ZFAND3: variants seen among roughly 807,000 people sequenced by gnomAD.
The protein encoded by ZFAND3 is zinc finger AN1-type containing 3, also known as AN1-type zinc finger protein 3.
A neutral mutation model predicts 29.6 loss-of-function variants in ZFAND3; 10 were observed. The ratio of observed to expected loss-of-function variants is 0.34; its 90% CI spans 0.21 to 0.57. The LOEUF is 0.57. Ranked by LOEUF, ZFAND3 falls within the 20% of genes least tolerant of loss-of-function variation. The pLI, the probability that ZFAND3 is intolerant of heterozygous loss-of-function variation, is 0.86. For synonymous variants in ZFAND3, 128 were observed against 112.6 expected (o/e 1.14, Z -0.87); for missense variants, 230 against 304.5 (o/e 0.76, Z 1.82).
At chr6:37,859,188 T>TA (rs556578190) in intron 1 of ZFAND3, among the ~76,000 whole-genome samples, 122 of 152,226 alleles carry the variant, frequency 8.0e-4, no homozygotes, top group Non-Finnish European at 1.5e-3. Context: ...TCAATTCCAT[T>TA]ACCTGCTTTA....
At chr6:37,919,797 T>C (rs1181129550) in intron 1 of ZFAND3, among the ~76,000 whole-genome samples, 1 of 152,186 alleles carries the variant, frequency 6.6e-6, no homozygotes. Flanking sequence ...TCCTCCCCTT[T>C]TTATAAAACT....
chr6:37,914,408 G>C (rs927688357), intron 1 of ZFAND3, among the ~76,000 whole-genome samples: 2 of 152,078 alleles, frequency 1.3e-5, no homozygotes, highest in Admixed American at 1.3e-4. Context: ...GTGCTGGAGC[G>C]CAGTGGTGCA....
chr6:38,152,491 C>T lies in ZFAND3; in HGVS notation c.*102C>T. 1 of 1,389,068 alleles carries T rather than the reference C, an allele frequency of 7.2e-7. No homozygotes were observed. Among genetic ancestry groups the T allele is most frequent in the Admixed American group, 2.8e-5 (1 of 35,836 alleles). The allele number at this position is 1,389,068 out of a possible 1,614,324, so 86.0% of individuals were successfully genotyped here. ...CACCTTGTACTGGGCACGCGTCAGA[C>T]TGCAGCCAGTCCGTTTCCTTTCTTT... On this transcript the variant is annotated 3_prime_UTR_variant, in exon 6 of 6. Coordinates refer to ENST00000287218, the MANE Select transcript of ZFAND3 (RefSeq NM_021943.3).
At chr6:37,854,160 A>G (rs561462283) in intron 1 of ZFAND3, among the ~76,000 whole-genome samples, 1 of 152,246 alleles carries the variant, frequency 6.6e-6, no homozygotes, top group African/African-American at 2.4e-5. Flanking sequence ...CATGTTGGTC[A>G]GGCTGGTCTC....
intron 2 of ZFAND3, among the ~76,000 whole-genome samples, chr6:37,955,693 G>A (rs946346968): frequency 2.6e-5 from 4 of 152,226 alleles, no homozygotes; most frequent in African/African-American, 9.6e-5. Flanking sequence ...AGGAATCAGT[G>A]TAGCTTAATG....
intron 4 of ZFAND3, among the ~76,000 whole-genome samples, chr6:38,114,981 A>T (rs1765389184): frequency 6.6e-6 from 1 of 152,214 alleles, no homozygotes; most frequent in Non-Finnish European, 1.5e-5. Context: ...AGACGAGGGG[A>T]AGTGCTAAGA....
At chr6:37,899,521 A>T (rs1765280609) in intron 1 of ZFAND3, among the ~76,000 whole-genome samples, 1 of 152,152 alleles carries the variant, frequency 6.6e-6, no homozygotes, top group East Asian at 1.9e-4. Flanking sequence ...TGAATGCTTT[A>T]ATGATCCGAA....
rs1347170881 is a variant in ZFAND3, at chr6:37,998,863, A to G, written c.113-62730A>G. Reference sequence around the variant, plus strand: ...ATGTGGATACTTAATGTGGATACAGATGGTTACATATAGAAATATTTACAG... The same window carrying G: ...ATGTGGATACTTAATGTGGATACAGGTGGTTACATATAGAAATATTTACAG... On this transcript the variant is annotated intron_variant, in intron 2 of 5. Transcript: ENST00000287218. Among the ~76,000 whole-genome samples the G allele has an allele frequency of 3.9e-5, 6 of 152,228 alleles. No homozygotes were observed. In the South Asian group the frequency reaches 1.2e-3, roughly 32 times the overall value.
chr6:38,138,775 A>G (rs575218891), intron 5 of ZFAND3, among the ~76,000 whole-genome samples: 1 of 152,370 alleles, frequency 6.6e-6, no homozygotes, highest in Admixed American at 6.5e-5. Context: ...ACACTGAGGC[A>G]GAGAAGATGA....
At position 38,087,655 on chromosome 6, in the gene ZFAND3, A is replaced by G. The variant is rs928843976; in HGVS notation, c.361+5198A>G. Among the ~76,000 whole-genome samples, 12 of 152,294 alleles carry G rather than the reference A, an allele frequency of 7.9e-5. 1 individual carries two copies. Among genetic ancestry groups the G allele is most frequent in the Admixed American group, 3.3e-4 (5 of 15,300 alleles). On this transcript the variant is annotated intron_variant, in intron 4 of 5. Transcript: ENST00000287218. Reference sequence around the variant, plus strand: ...TACAATGAGATGTCATCTCACCCCAATTAAACTGGCTTATATTCAGAAGAC... The same window carrying G: ...TACAATGAGATGTCATCTCACCCCAGTTAAACTGGCTTATATTCAGAAGAC...
At chr6:37,900,393 A>G (rs1765298059) in intron 1 of ZFAND3, among the ~76,000 whole-genome samples, 1 of 152,196 alleles carries the variant, frequency 6.6e-6, no homozygotes, top group Non-Finnish European at 1.5e-5. Context: ...CTCTTTTTCA[A>G]GAGGAGAAAC....
intron 2 of ZFAND3, among the ~76,000 whole-genome samples, chr6:37,972,045 GA>G (rs55728907): frequency 6.6e-6 from 1 of 151,512 alleles, no homozygotes; most frequent in African/African-American, 2.4e-5. Context: ...AGGAGGGAAA[GA>G]AAAAAAATGG....
intron 2 of ZFAND3, among the ~76,000 whole-genome samples, chr6:38,038,252 G>A (rs1274270402): frequency 6.6e-6 from 1 of 152,176 alleles, no homozygotes; most frequent in African/African-American, 2.4e-5. Flanking sequence ...TTACCCTCTA[G>A]CATGTTGACG....
chr6:38,032,113 G>A (rs1050594744), intron 2 of ZFAND3, among the ~76,000 whole-genome samples: 4 of 151,896 alleles, frequency 2.6e-5, no homozygotes, highest in African/African-American at 9.7e-5. Context: ...AATTACAAGC[G>A]TGAGCCACCA....
At chr6:37,860,637 GT>G (rs58902274) in intron 1 of ZFAND3, among the ~76,000 whole-genome samples, 8,967 of 97,208 alleles carry the variant, frequency 0.092, 343 homozygotes, top group Middle Eastern at 0.14. Flanking sequence ...TATTCACTTA[GT>G]TTTTTTTTTT....
At chr6:38,022,891 A>G (rs1461623427) in intron 2 of ZFAND3, among the ~76,000 whole-genome samples, 1 of 152,194 alleles carries the variant, frequency 6.6e-6, no homozygotes, top group Non-Finnish European at 1.5e-5. Flanking sequence ...GACTCTTAGT[A>G]TAGTTCAGCC....
At chr6:37,939,064 T>G (rs1761754618) in intron 2 of ZFAND3, among the ~76,000 whole-genome samples, 1 of 152,348 alleles carries the variant, frequency 6.6e-6, no homozygotes, top group African/African-American at 2.4e-5. Flanking sequence ...ATGTTAGAAT[T>G]CCTACTTGTG....
At chr6:37,864,710 T>C (rs1473832044) in intron 1 of ZFAND3, among the ~76,000 whole-genome samples, 2 of 150,660 alleles carry the variant, frequency 1.3e-5, no homozygotes, top group South Asian at 4.2e-4. Flanking sequence ...TATGTTCATA[T>C]GTTTATGTAT....
intron 2 of ZFAND3, among the ~76,000 whole-genome samples, chr6:38,036,465 A>G (rs1053748522): frequency 6.6e-6 from 1 of 152,230 alleles, no homozygotes; most frequent in Non-Finnish European, 1.5e-5. Flanking sequence ...TTTCAACAGA[A>G]ATTCATGCAG....
Sources: gnomAD v4.1 joint callset for allele counts (sites outside exome capture counted in the v4.1 genomes callset) on GRCh38, gnomAD v4.1.1 for gene constraint, MANE v1.5 for transcripts, NCBI Gene and HGNC (gene_info 2026-07-23, HGNC 2026-07-21) for gene names.